The following ABHD13 variants were observed in gnomAD, a reference collection of about 807,000 sequenced individuals.
ABHD13 encodes abhydrolase domain containing 13, also known as protein ABHD13.
A neutral mutation model predicts 25.2 loss-of-function variants in ABHD13; 7 were observed. That is an observed-to-expected ratio of 0.28 (90% CI 0.16 to 0.52). The LOEUF (loss-of-function observed/expected upper bound fraction) is 0.52. ABHD13 is among the 20% of genes least tolerant of loss of function. ABHD13 has a pLI of 0.96. For synonymous variants in ABHD13, 133 were observed against 136.1 expected (o/e 0.98, Z 0.16); for missense variants, 302 against 402.7 (o/e 0.75, Z 2.14).
At chr13:108,224,249 T>G (rs995679232) in intron 1 of ABHD13, among the ~76,000 whole-genome samples, 2 of 152,226 alleles carry the variant, frequency 1.3e-5, no homozygotes, top group African/African-American at 4.8e-5. Context: ...CCCGAGTACC[T>G]CAAGAGTTGC....
At position 108,232,537 on chromosome 13, in the gene ABHD13, T is replaced by G. The variant is rs1022371210; in HGVS notation, c.*2305T>G. 1 of 166,926 alleles carries G rather than the reference T, an allele frequency of 6.0e-6. No homozygotes were observed. The highest frequency in any genetic ancestry group is 6.6e-5 in the Admixed American group (1 of 15,254). The allele number at this position is 166,926 out of a possible 1,614,324, so 10.3% of individuals were successfully genotyped here. A position where few individuals can be genotyped will look rare whatever the true frequency, so the allele number is the denominator to read the frequency against. ...GTTTTGTAGCCAAAGCAATTGGTTT[T>G]AGTAAAATGAGACTTCTTCAGGAGT... On this transcript the variant is annotated 3_prime_UTR_variant, in exon 2 of 2. Coordinates refer to ENST00000375898, the MANE Select transcript of ABHD13 (RefSeq NM_032859.3).
chr13:108,229,457 T>C lies in ABHD13; in HGVS notation c.239T>C (p.Met80Thr), dbSNP rs1373378641. 7 of 1,613,402 alleles carry C rather than the reference T, an allele frequency of 4.3e-6. No homozygotes were observed. The highest frequency in any genetic ancestry group is 5.9e-6 in the Non-Finnish European group (7 of 1,179,602). The change falls in exon 2 of 2, where the codon ATG (methionine) becomes ACG (threonine). Residue 80 changes from methionine (M) to threonine (T), a missense_variant. Met to Thr is a moderately conservative substitution (Grantham distance 81). Transcript: ENST00000375898. This position sits in a 1 kb window ranked among gnomAD's most constrained non-coding sequence, Gnocchi z 4.7. ...TCCTCTTCACGTCTTTATGTTCCCA[T>C]GCCCACTGGCATTCCACATGAAAAC... Reference protein sequence around the residue: ...QPSSSRLYVPMPTGIPHENIF... With the variant: ...QPSSSRLYVPTPTGIPHENIF...
Position 108,229,157 on chromosome 13 carries a change from G to T in ABHD13, c.-20-42G>T. The T allele has an allele frequency of 7.1e-7, 1 of 1,409,998 alleles. No individual in the cohort carries two copies. The highest frequency in any genetic ancestry group is 9.6e-7 in the Non-Finnish European group (1 of 1,044,982). 87.3% of individuals were successfully genotyped at this position (1,409,998 alleles called of 1,614,324 possible). On this transcript the variant is annotated intron_variant, in intron 1 of 1. Transcript: ENST00000375898. The surrounding 1 kb of genome is among the most constrained non-coding windows in gnomAD (Gnocchi z 4.7). ...TATATTGTGGATTTTTAAAAGAATA[G>T]ATAGACGTTGAATTATTGATATTCT...
intron 1 of ABHD13, among the ~76,000 whole-genome samples, chr13:108,227,016 G>A (rs1187201832): frequency 1.3e-5 from 2 of 152,058 alleles, no homozygotes; most frequent in Non-Finnish European, 2.9e-5. Flanking sequence ...TTATTAACCT[G>A]TTCTTAAAAA....
At position 108,233,047 on chromosome 13, in the gene ABHD13, C is replaced by T. The variant is rs560044732; in HGVS notation, c.*2815C>T. 1 of 166,822 alleles carries T rather than the reference C, an allele frequency of 6.0e-6. No homozygotes were observed. The highest frequency in any genetic ancestry group is 6.6e-5 in the Admixed American group (1 of 15,254). 10.3% of individuals were successfully genotyped at this position (166,822 alleles called of 1,614,324 possible). On this transcript the variant is annotated 3_prime_UTR_variant, in exon 2 of 2. Coordinates refer to ENST00000375898, the MANE Select transcript of ABHD13 (RefSeq NM_032859.3). ...CTGGAGCACTTGCCATTGCAACAAC[C>T]CTGTTTTTGCAATTAGGTTTTTGAC...
chr13:108,233,317 T>A lies in ABHD13; in HGVS notation c.*3085T>A, dbSNP rs1879848359. The A allele has an allele frequency of 6.0e-6, 1 of 166,852 alleles. No individual in the cohort carries two copies. Among genetic ancestry groups the A allele is most frequent in the Non-Finnish European group, 1.5e-5 (1 of 67,972 alleles). The allele number at this position is 166,852 out of a possible 1,614,324, so 10.3% of individuals were successfully genotyped here. On this transcript the variant is annotated 3_prime_UTR_variant, in exon 2 of 2. Transcript: ENST00000375898. ...TGGAGAAATTAAAGAGTGAAGGCCATATTTCATTTTTTATAAATTATCTTT... is the reference window on the plus strand; with the variant it reads ...TGGAGAAATTAAAGAGTGAAGGCCAAATTTCATTTTTTATAAATTATCTTT...
rs541742774 is a variant in ABHD13, at chr13:108,218,502, G to C, written c.-178G>C. On this transcript the variant is annotated 5_prime_UTR_variant, in exon 1 of 2. Transcript: ENST00000375898. Reference sequence around the variant, plus strand: ...AGCGGGGGCCGGAAGTGGGGCCACAGCTCGCAGCAGGAGCTCCGGGCTAGA... The same window carrying C: ...AGCGGGGGCCGGAAGTGGGGCCACACCTCGCAGCAGGAGCTCCGGGCTAGA... 1 of 151,904 alleles carries C rather than the reference G, an allele frequency of 6.6e-6. No individual in the cohort carries two copies. Among genetic ancestry groups the C allele is most frequent in the Non-Finnish European group, 1.5e-5 (1 of 67,986 alleles). The allele number at this position is 151,904 out of a possible 1,614,324, so 9.4% of individuals were successfully genotyped here.
rs1258822288 is a variant in ABHD13, at chr13:108,218,664, G to A, written c.-21+5G>A. ...GCAGCCTGTCCGCGAGTCTGAGTAA[G>A]TGCGGCTCGGGGACCCCGAGCCCGC... On this transcript the variant is annotated splice_donor_5th_base_variant and intron_variant, in intron 1 of 1. Coordinates refer to ENST00000375898, the MANE Select transcript of ABHD13 (RefSeq NM_032859.3). 1 of 151,756 alleles carries A rather than the reference G, an allele frequency of 6.6e-6. No homozygotes were observed. Among genetic ancestry groups the A allele is most frequent in the East Asian group, 2.0e-4 (1 of 5,070 alleles). The allele number at this position is 151,756 out of a possible 1,614,324, so 9.4% of individuals were successfully genotyped here. A position where few individuals can be genotyped will look rare whatever the true frequency, so the allele number is the denominator to read the frequency against.
At chr13:108,220,149 A>T (rs1879530025) in intron 1 of ABHD13, among the ~76,000 whole-genome samples, 1 of 152,196 alleles carries the variant, frequency 6.6e-6, no homozygotes, top group Non-Finnish European at 1.5e-5. Context: ...GGCAAAAGCT[A>T]CCTATCTCTT....
Position 108,218,642 on chromosome 13 carries a change from G to T in ABHD13, c.-38G>T, listed in dbSNP as rs1255894868. On this transcript the variant is annotated 5_prime_UTR_variant, in exon 1 of 2. Coordinates refer to ENST00000375898, the MANE Select transcript of ABHD13 (RefSeq NM_032859.3). Reference sequence around the variant, plus strand: ...TTTCGTGCCCGCGGCCGACTGCGCAGCCTGTCCGCGAGTCTGAGTAAGTGC... The same window carrying T: ...TTTCGTGCCCGCGGCCGACTGCGCATCCTGTCCGCGAGTCTGAGTAAGTGC... The T allele has an allele frequency of 1.3e-5, 2 of 151,884 alleles. No homozygotes were observed. Among genetic ancestry groups the T allele is most frequent in the Non-Finnish European group, 2.9e-5 (2 of 67,914 alleles). The allele number at this position is 151,884 out of a possible 1,614,324, so 9.4% of individuals were successfully genotyped here.
intron 1 of ABHD13, among the ~76,000 whole-genome samples, chr13:108,220,517 T>A (rs894992781): frequency 1.3e-5 from 2 of 152,264 alleles, no homozygotes; most frequent in African/African-American, 4.8e-5. Context: ...AGGAAAGTCT[T>A]AAGACCTTTA....
At position 108,229,983 on chromosome 13, in the gene ABHD13, G is replaced by A. The variant is rs1425750317; in HGVS notation, c.765G>A (p.Gln255=). Reference sequence around the variant, plus strand: ...TTTTGTCCTACAGAAAAATCTCTCAGTGTAGAATGCCTTCACTTTTCATCT... The same window carrying A: ...TTTTGTCCTACAGAAAAATCTCTCAATGTAGAATGCCTTCACTTTTCATCT... ...NKFLSYRKIS[Q]CRMPSLFISG... is the part of the protein sequence containing the mutation. The change falls in exon 2 of 2, where the codon CAG becomes CAA. Residue 255 remains glutamine (Q), a synonymous_variant. Transcript: ENST00000375898. This position sits in a 1 kb window ranked among gnomAD's most constrained non-coding sequence, Gnocchi z 4.7. 5 of 1,613,052 alleles carry A rather than the reference G, an allele frequency of 3.1e-6. No homozygotes were observed. In the African/African-American group the frequency reaches 6.7e-5, roughly 22 times the overall value.
At chr13:108,227,332 T>TAAGTATATATA (rs1879695792) in intron 1 of ABHD13, among the ~76,000 whole-genome samples, 1 of 152,072 alleles carries the variant, frequency 6.6e-6, no homozygotes, top group Admixed American at 6.6e-5. Context: ...GTTTTAGTCG[T>TAAGTATATATA]AAGTATATAT....
intron 1 of ABHD13, among the ~76,000 whole-genome samples, chr13:108,228,930 GTA>G (rs1879731100): frequency 6.6e-6 from 1 of 151,394 alleles, no homozygotes; most frequent in Non-Finnish European, 1.5e-5. Context: ...GTGAGAACAC[GTA>G]TATGAAGAAT....
chr13:108,225,384 A>G (rs1288235207), intron 1 of ABHD13, among the ~76,000 whole-genome samples: 2 of 152,188 alleles, frequency 1.3e-5, no homozygotes, highest in Non-Finnish European at 2.9e-5. Flanking sequence ...GGGAAAGAAC[A>G]TAGTATCCTA....
intron 1 of ABHD13, among the ~76,000 whole-genome samples, chr13:108,223,364 G>A (rs1879605893): frequency 6.6e-6 from 1 of 152,198 alleles, no homozygotes; most frequent in Admixed American, 6.5e-5. Flanking sequence ...CCTGAACAAA[G>A]CAGCTAGTTC....
intron 1 of ABHD13, among the ~76,000 whole-genome samples, chr13:108,228,920 G>C (rs373262520): frequency 6.6e-6 from 1 of 150,978 alleles, no homozygotes; most frequent in Non-Finnish European, 1.5e-5. Flanking sequence ...GGTCAAATCC[G>C]TGAGAACACG....
chr13:108,222,664 A>T (rs1879592825), intron 1 of ABHD13, among the ~76,000 whole-genome samples: 1 of 152,170 alleles, frequency 6.6e-6, no homozygotes, highest in African/African-American at 2.4e-5. Context: ...AAGTGTATAA[A>T]TTAAAATTGG....
At position 108,218,592 on chromosome 13, in the gene ABHD13, G is replaced by A. The variant is rs575087537; in HGVS notation, c.-88G>A. 3 of 152,144 alleles carry A rather than the reference G, an allele frequency of 2.0e-5. No individual in the cohort carries two copies. The highest frequency in any genetic ancestry group is 1.5e-5 in the Non-Finnish European group (1 of 68,058). 9.4% of individuals were successfully genotyped at this position (152,144 alleles called of 1,614,324 possible). On this transcript the variant is annotated 5_prime_UTR_variant, in exon 1 of 2. Coordinates refer to ENST00000375898, the MANE Select transcript of ABHD13 (RefSeq NM_032859.3). ...ATGAGGAGCGACGGAAGCGACGCGG[G>A]GGTACGCTGCTGCGCGGCGCCCGGT...
Sources: gnomAD v4.1 joint callset for allele counts (sites outside exome capture counted in the v4.1 genomes callset) on GRCh38, gnomAD v4.1.1 for gene constraint, Gnocchi (gnomAD v3.1) non-coding constraint, MANE v1.5 for transcripts, NCBI Gene and HGNC (gene_info 2026-07-23, HGNC 2026-07-21) for gene names.